SMAP2: variants seen among roughly 807,000 people sequenced by gnomAD.
SMAP2 encodes small ArfGAP2.
Under a neutral mutation model 56.4 loss-of-function variants are expected in SMAP2, and 25 were observed. The observed-to-expected ratio is 0.44, with a 90% confidence interval of 0.32 to 0.62. SMAP2 has a LOEUF of 0.62. SMAP2 is among the 20% of genes least tolerant of loss of function. SMAP2 has a pLI of 0.04. For synonymous variants in SMAP2, 157 were observed against 181.7 expected, an observed-to-expected ratio of 0.86 and a Z score of 1.09; for missense variants, 388 against 545.6, an observed-to-expected ratio of 0.71 and a Z score of 2.88.
At chr1:40,390,789 C>G (rs1052338335) in intron 1 of SMAP2, among the ~76,000 whole-genome samples, 1 of 152,188 alleles carries the variant, frequency 6.6e-6, no homozygotes, top group African/African-American at 2.4e-5. Context: ...CTTGACCTCT[C>G]TAGGCCTTAG....
At chr1:40,389,445 T>C (rs997651325) in intron 1 of SMAP2, among the ~76,000 whole-genome samples, 1 of 151,686 alleles carries the variant, frequency 6.6e-6, no homozygotes, top group Non-Finnish European at 1.5e-5. Flanking sequence ...ATTCTGTTAA[T>C]GTGTGTTCAG....
At chr1:40,396,958 G>T in intron 1 of SMAP2, 12 of 551,246 alleles carry the variant, frequency 2.2e-5, no homozygotes, top group Non-Finnish European at 2.5e-5. Context: ...TCCAAATTTT[G>T]GGTCAGAGTT....
At chr1:40,414,057 A>T in intron 5 of SMAP2, 102 bp from the exon 6 acceptor site, 1 of 966,456 alleles carries the variant, frequency 1.0e-6, no homozygotes, top group Non-Finnish European at 1.6e-6. Context: ...TCTTTGAATA[A>T]CAGCAGCCCT....
At chr1:40,411,664 G>A (rs1010650584) in intron 4 of SMAP2, among the ~76,000 whole-genome samples, 130 of 152,066 alleles carry the variant, frequency 8.5e-4, no homozygotes, top group Non-Finnish European at 2.4e-4. Flanking sequence ...ATTAGTATTT[G>A]CTAAGTGAAG....
chr1:40,346,720 G>GA (rs56073588), intron 1 of SMAP2, among the ~76,000 whole-genome samples: 9 of 150,000 alleles, frequency 6.0e-5, no homozygotes, highest in Non-Finnish European at 7.4e-5. Flanking sequence ...GTGTTTCTCA[G>GA]AAAAAAAAAA....
intron 1 of SMAP2, chr1:40,403,574 T>G (rs182149416): frequency 1.4e-6 from 1 of 707,558 alleles, no homozygotes; most frequent in Admixed American, 6.3e-5. Flanking sequence ...CATATATGAA[T>G]GAGTTAACTG....
chr1:40,413,684 C>CA (rs1202586699), intron 5 of SMAP2, among the ~76,000 whole-genome samples: 1 of 152,210 alleles, frequency 6.6e-6, no homozygotes, highest in Non-Finnish European at 1.5e-5. Context: ...TTCTGAATCA[C>CA]ATTGTCTGTG....
chr1:40,379,938 A>C (rs1182876094), intron 1 of SMAP2, among the ~76,000 whole-genome samples: 1 of 152,200 alleles, frequency 6.6e-6, no homozygotes, highest in African/African-American at 2.4e-5. Flanking sequence ...GAGTCTGTAG[A>C]CTTGGTATTG....
intron 2 of SMAP2, among the ~76,000 whole-genome samples, chr1:40,362,858 G>C (rs1178906361): frequency 6.6e-6 from 1 of 152,146 alleles, no homozygotes. Context: ...GGAATTCCAG[G>C]GTGATGATTA....
chr1:40,348,689 A>G (rs1644398795), intron 1 of SMAP2, among the ~76,000 whole-genome samples: 1 of 152,202 alleles, frequency 6.6e-6, no homozygotes, highest in African/African-American at 2.4e-5. Context: ...CTCAAAAAAA[A>G]AATTAATAAA....
intron 1 of SMAP2, among the ~76,000 whole-genome samples, chr1:40,358,548 C>T (rs1212653061): frequency 6.6e-6 from 1 of 151,888 alleles, no homozygotes; most frequent in Non-Finnish European, 1.5e-5. Flanking sequence ...CATCTCAAAA[C>T]AAAACAAAAC....
At chr1:40,383,320 C>T (rs1437442796) in intron 1 of SMAP2, among the ~76,000 whole-genome samples, 1 of 144,904 alleles carries the variant, frequency 6.9e-6, no homozygotes, top group African/African-American at 2.6e-5. Context: ...CTGCTCCCTG[C>T]TCCTGCCTCT....
chr1:40,412,191 C>T (rs750699579), intron 4 of SMAP2, among the ~76,000 whole-genome samples: 3 of 152,066 alleles, frequency 2.0e-5, no homozygotes, highest in East Asian at 1.9e-4. Context: ...GGACTATTTT[C>T]GTAAGATACA....
At chr1:40,397,291 C>A (rs1306016389) in intron 1 of SMAP2, among the ~76,000 whole-genome samples, 1 of 152,186 alleles carries the variant, frequency 6.6e-6, no homozygotes, top group African/African-American at 2.4e-5. Flanking sequence ...ACATGGGGAT[C>A]ATTTCTCTAC....
rs1320681336 is a variant in SMAP2 at position 40,373,911 on chromosome 1, G to A, written c.-210G>A. ...TGGAGGCGGGCCTGTCCCTAAGCCC[G>A]CCAAGGGGCGCCGCGCCGAGGGGCT... On this transcript the variant is annotated 5_prime_UTR_variant, in exon 1 of 10. Coordinates refer to ENST00000372718, the MANE Select transcript of SMAP2 (RefSeq NM_022733.3). The A allele has an allele frequency of 3.8e-6, 2 of 520,840 alleles. No homozygotes were observed. The highest frequency in any genetic ancestry group is 3.4e-6 in the Non-Finnish European group (1 of 290,476). The allele number at this position is 520,840 out of a possible 1,614,324, so 32.3% of individuals were successfully genotyped here.
Position 40,416,761 on chromosome 1 carries a change from A to T in SMAP2, c.848-19A>T, listed in dbSNP as rs375254340. The T allele has an allele frequency of 3.1e-6, 5 of 1,587,838 alleles. No homozygotes were observed. The African/African-American group carries it at 5.4e-5, about 17-fold the overall frequency. The stretch of plus-strand genomic sequence containing the variant: ...GTTTTTCCCTCTTTAACCAACCTGT[A>T]TGTGTGTTTTCTTGGCAGCAATGTT... On this transcript the variant is annotated intron_variant, in intron 8 of 9. Coordinates refer to ENST00000372718, the MANE Select transcript of SMAP2 (RefSeq NM_022733.3).
At chr1:40,363,110 A>G (rs982989374) in intron 2 of SMAP2, among the ~76,000 whole-genome samples, 1 of 152,216 alleles carries the variant, frequency 6.6e-6, no homozygotes, top group Non-Finnish European at 1.5e-5. Flanking sequence ...AAATGCAATC[A>G]ATGAATACAA....
At chr1:40,410,942 T>C (rs371533071) in intron 4 of SMAP2, among the ~76,000 whole-genome samples, 1 of 152,204 alleles carries the variant, frequency 6.6e-6, no homozygotes, top group East Asian at 1.9e-4. Context: ...CCAGCGCAGG[T>C]CCTACCTATC....
At chr1:40,404,980 T>C (rs1268217973) in intron 1 of SMAP2, among the ~76,000 whole-genome samples, 4 of 152,180 alleles carry the variant, frequency 2.6e-5, no homozygotes, top group Non-Finnish European at 4.4e-5. Flanking sequence ...GAGCTTGTGA[T>C]AGCAATAAGG....
Sources: allele counts gnomAD v4.1 joint callset (sites outside exome capture counted in the v4.1 genomes callset), GRCh38; gene constraint gnomAD v4.1.1; transcripts MANE v1.5; gene names NCBI Gene and HGNC (gene_info 2026-07-23, HGNC 2026-07-21).